The following BRAF variants were observed in gnomAD, a reference collection of about 807,000 sequenced individuals.
BRAF encodes the protein serine/threonine-protein kinase B-raf.
In BRAF, 16 loss-of-function variants were observed where a neutral mutation model predicts 104.6. That is an observed-to-expected ratio of 0.15 (90% CI 0.10 to 0.23). BRAF has a LOEUF of 0.23. BRAF is among the 10% of genes least tolerant of loss of function. The probability of loss-of-function intolerance (pLI) is 1.00; values close to 1 mark genes in which losing one functional copy is unlikely to be tolerated. For missense variants in BRAF, 541 were observed against 937.3 expected, an observed-to-expected ratio of 0.58 and a Z score of 5.52; for synonymous variants, 310 against 341.6, an observed-to-expected ratio of 0.91 and a Z score of 1.02.
chr7:140,842,968 A>G (rs918860119), intron 2 of BRAF, among the ~76,000 whole-genome samples: 6 of 152,216 alleles, frequency 3.9e-5, no homozygotes, highest in African/African-American at 1.4e-4. Flanking sequence ...AGAAGAAGCA[A>G]GAATAAGTAG....
chr7:140,860,822 T>G (rs1469103354), intron 1 of BRAF, among the ~76,000 whole-genome samples: 1 of 152,234 alleles, frequency 6.6e-6, no homozygotes, highest in Non-Finnish European at 1.5e-5. Context: ...AAGCTAAGGA[T>G]GAGCATATCC....
chr7:140,821,707 T>C (rs1367540170), intron 3 of BRAF, among the ~76,000 whole-genome samples: 1 of 152,030 alleles, frequency 6.6e-6, no homozygotes, highest in Admixed American at 6.6e-5. Context: ...AGAACTACCA[T>C]TCGACCCAGC....
chr7:140,725,193 A>G lies in BRAF; in HGVS notation c.*1301T>C. The stretch of plus-strand genomic sequence containing the variant: ...GGTTGCATATTCTAGATAAAAGACT[A>G]GAAAGAAGATGTGGGATATAGTGTT... On this transcript the variant is annotated 3_prime_UTR_variant, in exon 20 of 20. Transcript: ENST00000644969. 9.6e-7 allele frequency: 1 copy of G among 1,043,226 alleles called. No homozygotes were observed. The highest frequency in any genetic ancestry group is 1.2e-6 in the Non-Finnish European group (1 of 865,172). 64.6% of individuals were successfully genotyped at this position (1,043,226 alleles called of 1,614,324 possible).
At chr7:140,923,973 G>A (rs1818553589) in intron 1 of BRAF, among the ~76,000 whole-genome samples, 1 of 152,064 alleles carries the variant, frequency 6.6e-6, no homozygotes, top group Non-Finnish European at 1.5e-5. Context: ...CTGCGATTTA[G>A]GATTGAAAAA....
chr7:140,887,608 T>C (rs949300665), intron 1 of BRAF, among the ~76,000 whole-genome samples: 1 of 151,924 alleles, frequency 6.6e-6, no homozygotes, highest in East Asian at 1.9e-4. Context: ...ACAAAATAGG[T>C]ATGCACATAC....
chr7:140,756,149 A>G (rs1348035641), intron 14 of BRAF, among the ~76,000 whole-genome samples: 1 of 152,156 alleles, frequency 6.6e-6, no homozygotes, highest in East Asian at 1.9e-4. Context: ...TATAAATGTA[A>G]TTGGGGAACC....
At chr7:140,778,738 A>C (rs1395198288) in intron 12 of BRAF, among the ~76,000 whole-genome samples, 2 of 112,454 alleles carry the variant, frequency 1.8e-5, no homozygotes, top group Non-Finnish European at 3.5e-5. Flanking sequence ...TAAAATCATC[A>C]AAAAAAAAAA....
Position 140,749,426 on chromosome 7 carries a change from AACAT to A in BRAF, c.1981-12_1981-9del. 6.2e-7 allele frequency: 1 copy of A among 1,612,510 alleles called. No individual in the cohort carries two copies. Among genetic ancestry groups the A allele is most frequent in the Non-Finnish European group, 8.5e-7 (1 of 1,179,142 alleles). On this transcript the variant is annotated splice_polypyrimidine_tract_variant and intron_variant, in intron 16 of 19. Transcript: ENST00000644969. Reference sequence around the variant, plus strand: ...TCTGATGACTTCTGGTGCCTGTTAGAACATACAAAGAAAAATATTCTTCACTTCA... The same window carrying A: ...TCTGATGACTTCTGGTGCCTGTTAGAACAAAGAAAAATATTCTTCACTTCA...
chr7:140,775,980 G>A (rs1393102021), intron 14 of BRAF, among the ~76,000 whole-genome samples: 1 of 152,130 alleles, frequency 6.6e-6, no homozygotes, highest in Non-Finnish European at 1.5e-5. Flanking sequence ...TTCTAATTTT[G>A]TAATGTAAAA....
intron 2 of BRAF, among the ~76,000 whole-genome samples, chr7:140,837,097 C>T (rs768313036): frequency 1.3e-5 from 2 of 152,102 alleles, no homozygotes; most frequent in Non-Finnish European, 2.9e-5. Flanking sequence ...TTCCATCTGT[C>T]CCTATCCTCA....
intron 1 of BRAF, among the ~76,000 whole-genome samples, chr7:140,870,843 C>T (rs1345109387): frequency 7.0e-5 from 9 of 129,256 alleles, no homozygotes; most frequent in East Asian, 4.4e-4. Context: ...AAAGACATTA[C>T]AAATCAAAAT....
intron 15 of BRAF, chr7:140,753,817 T>C (rs1036775854): frequency 5.4e-5 from 18 of 331,278 alleles, no homozygotes; most frequent in Admixed American, 4.1e-4. Context: ...TCTCACCTCA[T>C]TGTTATATAA....
chr7:140,809,544 C>T (rs573971926), intron 3 of BRAF, among the ~76,000 whole-genome samples: 1 of 152,272 alleles, frequency 6.6e-6, no homozygotes, highest in South Asian at 2.1e-4. Flanking sequence ...ACTAGAAAAG[C>T]TATCAAGGGT....
chr7:140,847,588 A>G (rs1275677936), intron 2 of BRAF, among the ~76,000 whole-genome samples: 3 of 152,074 alleles, frequency 2.0e-5, no homozygotes, highest in African/African-American at 7.2e-5. Context: ...CTCAGGAGGA[A>G]AAAAAAAAAG....
chr7:140,860,711 T>C (rs574631138), intron 1 of BRAF, among the ~76,000 whole-genome samples: 3 of 152,238 alleles, frequency 2.0e-5, no homozygotes, highest in African/African-American at 4.8e-5. Flanking sequence ...GGCCTAATAA[T>C]ACAAGAGTTG....
chr7:140,807,311 C>A (rs1479011605), intron 5 of BRAF, among the ~76,000 whole-genome samples: 2 of 152,044 alleles, frequency 1.3e-5, no homozygotes, highest in Non-Finnish European at 2.9e-5. Flanking sequence ...TTGTTTAGCC[C>A]TGTATGTAAC....
intron 19 of BRAF, chr7:140,731,463 C>T (rs1385669883): frequency 2.0e-5 from 3 of 152,088 alleles, no homozygotes; most frequent in Non-Finnish European, 4.4e-5. Context: ...TCAAATAAGA[C>T]TATAACTGAT....
downstream of BRAF, among the ~76,000 whole-genome samples, chr7:140,718,702 G>A (rs1795191866): frequency 6.6e-6 from 1 of 152,136 alleles, no homozygotes; most frequent in African/African-American, 2.4e-5. Flanking sequence ...GTTTTAAAAC[G>A]GTTTACTTCC....
chr7:140,745,819 A>G (rs1797301487), intron 17 of BRAF, among the ~76,000 whole-genome samples: 1 of 152,212 alleles, frequency 6.6e-6, no homozygotes, highest in African/African-American at 2.4e-5. Context: ...TAATTTGCCT[A>G]CTGATAAGAG....
Sources: allele counts gnomAD v4.1 joint callset (sites outside exome capture counted in the v4.1 genomes callset), GRCh38; gene constraint gnomAD v4.1.1; transcripts MANE v1.5; gene names NCBI Gene and HGNC (gene_info 2026-07-23, HGNC 2026-07-21).